TNS3: variants seen among roughly 807,000 people sequenced by gnomAD.
TNS3 encodes tensin-3.
A neutral mutation model predicts 140.9 loss-of-function variants in TNS3; 45 were observed. That is an observed-to-expected ratio of 0.32 (90% CI 0.25 to 0.41). The LOEUF (loss-of-function observed/expected upper bound fraction) is 0.41, where lower values mean the gene tolerates loss of function less well. Ranked by LOEUF, TNS3 falls within the 10% of genes least tolerant of loss-of-function variation. TNS3 has a pLI of 1.00. For missense variants in TNS3, 1,716 were observed against 1,906.7 expected, an observed-to-expected ratio of 0.90 and a Z score of 1.86; for synonymous variants, 815 against 788.4, an observed-to-expected ratio of 1.03 and a Z score of -0.56.
At chr7:47,436,898 T>C (rs1795209841) in intron 7 of TNS3, among the ~76,000 whole-genome samples, 1 of 152,184 alleles carries the variant, frequency 6.6e-6, no homozygotes, top group Admixed American at 6.5e-5. Flanking sequence ...TTAGTATTTA[T>C]CATCTATACA....
At chr7:47,528,420 C>T (rs372607598) in intron 2 of TNS3, among the ~76,000 whole-genome samples, 35 of 152,258 alleles carry the variant, frequency 2.3e-4, no homozygotes, top group African/African-American at 7.9e-4. Context: ...GAGCAGCCCC[C>T]GCACTCTCCA....
intron 13 of TNS3, chr7:47,405,416 C>A (rs1285190711): frequency 2.4e-5 from 16 of 679,474 alleles, no homozygotes; most frequent in Non-Finnish European, 8.0e-6. Flanking sequence ...GAATGAGTTA[C>A]AACCGCATAT....
At chr7:47,551,977 G>C (rs1800076592) in intron 1 of TNS3, among the ~76,000 whole-genome samples, 1 of 149,146 alleles carries the variant, frequency 6.7e-6, no homozygotes, top group African/African-American at 2.6e-5. Context: ...TGCACTTCTT[G>C]TGTTGGAGTG....
intron 4 of TNS3, among the ~76,000 whole-genome samples, chr7:47,461,097 G>A (rs547632917): frequency 1.7e-3 from 265 of 152,278 alleles, no homozygotes; most frequent in Admixed American, 2.9e-3. Flanking sequence ...GCATATTCCC[G>A]CCTTTGGGAA....
At chr7:47,435,529 T>G in intron 7 of TNS3, 125 bp from the exon 8 acceptor site, 1 of 1,378,010 alleles carries the variant, frequency 7.3e-7, no homozygotes, top group East Asian at 2.3e-5. Flanking sequence ...GGGTGACCCT[T>G]TCCTAAAACT....
chr7:47,344,449 G>A lies in TNS3; in HGVS notation c.2650+306C>T, dbSNP rs139294729. ...CGTGAAGTGTGGGGTGGGCATTCTC[G>A]TTTCTTCAAAAGCACCAATGCTAAG... On this transcript the variant is annotated intron_variant, in intron 20 of 30. Coordinates refer to ENST00000311160, the MANE Select transcript of TNS3 (RefSeq NM_022748.12). Among the ~76,000 whole-genome samples the A allele has an allele frequency of 2.8e-3, 432 of 152,300 alleles. 2 individuals carry two copies. The highest frequency in any genetic ancestry group is 4.2e-3 in the Non-Finnish European group (287 of 68,020).
At chr7:47,556,940 T>C in intron 1 of TNS3, 1 of 443,192 alleles carries the variant, frequency 2.3e-6, no homozygotes, top group South Asian at 1.6e-5. Context: ...CAAGAGGCCC[T>C]ACTCCCAGCC....
intron 14 of TNS3, 60 bp from the exon 15 acceptor site, chr7:47,400,518 C>A: frequency 6.4e-7 from 1 of 1,554,820 alleles, no homozygotes; most frequent in African/African-American, 1.4e-5. Context: ...AAAGTATGGA[C>A]TGACTTTGTC....
intron 1 of TNS3, among the ~76,000 whole-genome samples, chr7:47,555,333 G>A (rs978701512): frequency 1.3e-4 from 20 of 151,298 alleles, no homozygotes; most frequent in Admixed American, 1.1e-3. Flanking sequence ...CCCAGGAGGC[G>A]GAGGTTGCAG....
chr7:47,304,875 A>G lies in TNS3; in HGVS notation c.2779T>C (p.Ser927Pro). 2 of 1,407,928 alleles carry G rather than the reference A, an allele frequency of 1.4e-6. No homozygotes were observed. Among genetic ancestry groups the G allele is most frequent in the African/African-American group, 1.5e-5 (1 of 67,890 alleles). The allele number at this position is 1,407,928 out of a possible 1,614,324, so 87.2% of individuals were successfully genotyped here. Reference protein sequence around the residue: ...TPSFQQAFASSCTISSNGPGQ... With the variant: ...TPSFQQAFASPCTISSNGPGQ... ...GGGCCGTTGCTGGAAATGGTGCAGGAAGAAGCAAAAGCCTGCTGAAAGGAG... is the reference window on the plus strand; with the variant it reads ...GGGCCGTTGCTGGAAATGGTGCAGGGAGAAGCAAAAGCCTGCTGAAAGGAG... The change falls in exon 21 of 31, where the codon TCC becomes CCC. Residue 927 changes from serine (S) to proline (P), a missense_variant. Physicochemically the swap from Ser to Pro is moderately conservative, Grantham distance 74 (BLOSUM62 -1). This residue lies in a region of TNS3 where 1,163 missense variants were observed against 1,182.1 expected (regional missense o/e 0.98). Coordinates refer to ENST00000311160, the MANE Select transcript of TNS3 (RefSeq NM_022748.12).
At chr7:47,352,468 G>C (rs1789743529) in intron 17 of TNS3, among the ~76,000 whole-genome samples, 1 of 152,210 alleles carries the variant, frequency 6.6e-6, no homozygotes, top group Admixed American at 6.5e-5. Flanking sequence ...GGTCCGTGAT[G>C]GTGGAGGGTC....
chr7:47,541,233 A>G (rs750285682), intron 1 of TNS3, among the ~76,000 whole-genome samples: 2 of 152,328 alleles, frequency 1.3e-5, no homozygotes, highest in East Asian at 1.9e-4. Context: ...AATGGGGGAC[A>G]TTATAGTAAG....
intron 7 of TNS3, among the ~76,000 whole-genome samples, chr7:47,435,847 G>A (rs558822560): frequency 2.6e-5 from 4 of 152,294 alleles, no homozygotes; most frequent in African/African-American, 7.2e-5. Flanking sequence ...CAATCTCCTG[G>A]AAAGGCAGCA....
chr7:47,330,614 A>G (rs1788280294), intron 20 of TNS3, among the ~76,000 whole-genome samples: 1 of 152,002 alleles, frequency 6.6e-6, no homozygotes, highest in African/African-American at 2.4e-5. Context: ...AGGGAAGGTG[A>G]AGCAAGGAGG....
chr7:47,408,171 G>A (rs899814799), intron 13 of TNS3, among the ~76,000 whole-genome samples: 2 of 152,132 alleles, frequency 1.3e-5, no homozygotes, highest in Non-Finnish European at 2.9e-5. Context: ...ACACTCCCAA[G>A]GGCTGCAGGT....
In TNS3 at chr7:47,529,124, C is replaced by A. The variant is rs1248752262; in HGVS notation, c.-241G>T. 1 of 1,286,090 alleles carries A rather than the reference C, an allele frequency of 7.8e-7. No homozygotes were observed. The highest frequency in any genetic ancestry group is 2.3e-5 in the Admixed American group (1 of 42,806). The allele number at this position is 1,286,090 out of a possible 1,614,324, so 79.7% of individuals were successfully genotyped here. A position where few individuals can be genotyped will look rare whatever the true frequency, so the allele number is the denominator to read the frequency against. ...TAAAGGCCTTGTTCTTAAAAGCGTG[C>A]AGACTCGAGGTTAATTCTTCCGGCT... On this transcript the variant is annotated 5_prime_UTR_variant, in exon 2 of 31. Coordinates refer to ENST00000311160, the MANE Select transcript of TNS3 (RefSeq NM_022748.12).
intron 4 of TNS3, among the ~76,000 whole-genome samples, chr7:47,478,181 C>G (rs1184938456): frequency 6.6e-6 from 1 of 152,220 alleles, no homozygotes; most frequent in African/African-American, 2.4e-5. Context: ...GATTCCCACA[C>G]TTGAGCTGAT....
At chr7:47,464,025 A>T (rs1415339364) in intron 4 of TNS3, among the ~76,000 whole-genome samples, 1 of 152,184 alleles carries the variant, frequency 6.6e-6, no homozygotes, top group Non-Finnish European at 1.5e-5. Flanking sequence ...GTCCACCCGT[A>T]ATTTTTATCT....
intron 20 of TNS3, among the ~76,000 whole-genome samples, chr7:47,306,048 GA>G (rs1217485943): frequency 4.0e-5 from 6 of 151,794 alleles, no homozygotes; most frequent in African/African-American, 1.2e-4. Flanking sequence ...TAATTATACT[GA>G]AAAAAAGGCT....
Sources: gnomAD v4.1 joint callset for allele counts (sites outside exome capture counted in the v4.1 genomes callset) on GRCh38, gnomAD v4.1.1 for gene constraint, gnomAD v4.1.1 regional missense constraint, MANE v1.5 for transcripts, NCBI Gene and HGNC (gene_info 2026-07-23, HGNC 2026-07-21) for gene names.